The following CUL3 variants were observed in gnomAD, a reference collection of about 807,000 sequenced individuals.
CUL3 encodes cullin-3.
In CUL3, 19 loss-of-function variants were observed where a neutral mutation model predicts 89.1. The ratio of observed to expected loss-of-function variants is 0.21; its 90% CI spans 0.15 to 0.31. The LOEUF is 0.31. Ranked by LOEUF, CUL3 falls within the 10% of genes least tolerant of loss-of-function variation. The pLI is 1.00. For missense variants in CUL3, 469 were observed against 942.3 expected (o/e 0.50, Z 6.58); for synonymous variants, 351 against 308.4 (o/e 1.14, Z -1.45).
chr2:224,572,657 G>C (rs1417308499), intron 1 of CUL3, among the ~76,000 whole-genome samples: 1 of 151,360 alleles, frequency 6.6e-6, no homozygotes, highest in Non-Finnish European at 1.5e-5. Context: ...AAAAAAGGTG[G>C]GGTCTTCAGG....
intron 1 of CUL3, 27 bp from the exon 2 acceptor site, chr2:224,557,883 CAAA>C (rs748754000): frequency 1.8e-3 from 204 of 112,288 alleles, no homozygotes; most frequent in Non-Finnish European, 2.4e-3. Context: ...AGAGAAGAGA[CAAA>C]AAAAAAAAAA....
intron 13 of CUL3, among the ~76,000 whole-genome samples, chr2:224,488,186 A>T (rs757770904): frequency 3.3e-5 from 5 of 152,220 alleles, no homozygotes; most frequent in Admixed American, 6.5e-5. Flanking sequence ...CAATTAAAAG[A>T]ACTAGACAAG....
chr2:224,470,158 C>CT lies in CUL3; in HGVS notation c.*4086dup. 1 of 192,244 alleles carries CT rather than the reference C, an allele frequency of 5.2e-6. No homozygotes were observed. Among genetic ancestry groups the CT allele is most frequent in the Non-Finnish European group, 1.1e-5 (1 of 92,106 alleles). The allele number at this position is 192,244 out of a possible 1,614,324, so 11.9% of individuals were successfully genotyped here. A position where few individuals can be genotyped will look rare whatever the true frequency, so the allele number is the denominator to read the frequency against. On this transcript the variant is annotated 3_prime_UTR_variant, in exon 16 of 16. Coordinates refer to ENST00000264414, the MANE Select transcript of CUL3 (RefSeq NM_003590.5). Reference sequence around the variant, plus strand: ...CACAACTGCAGAAAGAATTCTGAGACTGAGAATTTTAATTTTCCCACATTG... The same window carrying CT: ...CACAACTGCAGAAAGAATTCTGAGACTTGAGAATTTTAATTTTCCCACATTG...
intron 4 of CUL3, 124 bp downstream of exon 4, chr2:224,514,488 G>A: frequency 1.3e-6 from 1 of 750,038 alleles, no homozygotes; most frequent in East Asian, 2.7e-5. Flanking sequence ...CTAAGTTTCT[G>A]AGGATTTTCC....
intron 1 of CUL3, among the ~76,000 whole-genome samples, chr2:224,558,119 C>T (rs1039597778): frequency 6.6e-6 from 1 of 152,120 alleles, no homozygotes; most frequent in African/African-American, 2.4e-5. Flanking sequence ...GAACTCTTCA[C>T]TTTAAATAAA....
intron 1 of CUL3, among the ~76,000 whole-genome samples, chr2:224,571,025 A>T (rs112347106): frequency 6.2e-4 from 95 of 152,342 alleles, no homozygotes; most frequent in African/African-American, 2.2e-3. Flanking sequence ...AAAGGTATGT[A>T]TAACATTTCA....
At chr2:224,549,788 CA>C (rs1694441024) in intron 2 of CUL3, among the ~76,000 whole-genome samples, 1 of 151,978 alleles carries the variant, frequency 6.6e-6, no homozygotes, top group Non-Finnish European at 1.5e-5. Context: ...CCAAAAGTAG[CA>C]AAACTAATTA....
chr2:224,585,240 T>C lies in CUL3; in HGVS notation c.-231A>G. On this transcript the variant is annotated 5_prime_UTR_variant, in exon 1 of 16. Coordinates refer to ENST00000264414, the MANE Select transcript of CUL3 (RefSeq NM_003590.5). ...CTCCGATGCGGCTGGGGGGCTGCGCTGGCGCGGCGGCTCCGCGGGGTCCCC... is the reference window on the plus strand; with the variant it reads ...CTCCGATGCGGCTGGGGGGCTGCGCCGGCGCGGCGGCTCCGCGGGGTCCCC... 2.6e-6 allele frequency: 1 copy of C among 390,946 alleles called. No homozygotes were observed. The highest frequency in any genetic ancestry group is 3.6e-5 in the East Asian group (1 of 27,648). The allele number at this position is 390,946 out of a possible 1,614,324, so 24.2% of individuals were successfully genotyped here.
intron 12 of CUL3, 72 bp from the exon 13 acceptor site, chr2:224,496,038 T>A (rs1692157689): frequency 1.3e-6 from 2 of 1,504,362 alleles, no homozygotes; most frequent in Non-Finnish European, 1.8e-6. Flanking sequence ...TGTATGTACG[T>A]ACATATGTAT....
intron 1 of CUL3, among the ~76,000 whole-genome samples, chr2:224,576,546 T>C (rs536224075): frequency 6.6e-6 from 1 of 152,298 alleles, no homozygotes; most frequent in African/African-American, 2.4e-5. Context: ...TACTATGGTT[T>C]GGCTTAGAGG....
chr2:224,540,162 T>C (rs192523326), intron 2 of CUL3, among the ~76,000 whole-genome samples: 2 of 151,972 alleles, frequency 1.3e-5, no homozygotes, highest in Admixed American at 1.3e-4. Context: ...GTTTAAGCCA[T>C]TATTCTGGCT....
intron 1 of CUL3, 127 bp downstream of exon 1, chr2:224,584,817 C>G (rs1251669146): frequency 3.9e-6 from 2 of 509,666 alleles, no homozygotes; most frequent in African/African-American, 4.2e-5. Context: ...TCGCGCCCCG[C>G]GGCCGGCGGG....
At chr2:224,568,936 CATCCCTGACACAGAAGCAACATTAACT>C (rs1335839590) in intron 1 of CUL3, among the ~76,000 whole-genome samples, 1 of 152,140 alleles carries the variant, frequency 6.6e-6, no homozygotes, top group Non-Finnish European at 1.5e-5. Flanking sequence ...TCCACTTGCC[CATCCCTGACACAGAAGCAACATTAACT>C]GCTACTGAAA....
rs764765022 is a variant in CUL3, at chr2:224,535,637, C to T, written c.269G>A (p.Arg90Gln). 4 of 1,604,978 alleles carry T rather than the reference C, an allele frequency of 2.5e-6. No individual in the cohort carries two copies. Among genetic ancestry groups the T allele is most frequent in the Non-Finnish European group, 2.6e-6 (3 of 1,171,852 alleles). ...ATTCAATGAATTTAGTACATCTTCT[C>T]GCACCTAGTAACAGAAGAGTTCATT... ...VVTEHLINKV[R>Q]EDVLNSLNNN... Residue 90 changes from arginine (R) to glutamine (Q), a missense_variant, in exon 3 of 16, where the codon CGA (arginine) becomes CAA (glutamine). Transcript: ENST00000264414.
chr2:224,520,548 G>A (rs540739620), intron 3 of CUL3, among the ~76,000 whole-genome samples: 8 of 152,272 alleles, frequency 5.3e-5, no homozygotes, highest in African/African-American at 1.9e-4. Context: ...CAACTATAAA[G>A]GCTGGATAAA....
chr2:224,581,256 G>A (rs548890547), intron 1 of CUL3, among the ~76,000 whole-genome samples: 51 of 151,988 alleles, frequency 3.4e-4, no homozygotes, highest in African/African-American at 9.2e-4. Flanking sequence ...CTAGCCAGGC[G>A]TGGTGGCACA....
intron 11 of CUL3, among the ~76,000 whole-genome samples, chr2:224,498,078 T>C (rs534256143): frequency 1.4e-4 from 22 of 152,232 alleles, no homozygotes; most frequent in African/African-American, 5.3e-4. Flanking sequence ...GGCCCCACAC[T>C]AAATAATTTC....
Position 224,530,178 on chromosome 2 carries a change from G to A in CUL3, c.378+5350C>T, listed in dbSNP as rs530624654. Among the ~76,000 whole-genome samples the A allele has an allele frequency of 2.6e-5, 4 of 152,324 alleles. No homozygotes were observed. The East Asian group carries it at 7.7e-4, about 29-fold the overall frequency. On this transcript the variant is annotated intron_variant, in intron 3 of 15. Coordinates refer to ENST00000264414, the MANE Select transcript of CUL3 (RefSeq NM_003590.5). ...GGCGTGAACCCGGAAGGCAGAGCTTGCAGTGAGCCAAGATCGCGCCACTGC... is the reference window on the plus strand; with the variant it reads ...GGCGTGAACCCGGAAGGCAGAGCTTACAGTGAGCCAAGATCGCGCCACTGC...
chr2:224,490,975 A>G (rs918806469), intron 13 of CUL3, among the ~76,000 whole-genome samples: 1 of 152,136 alleles, frequency 6.6e-6, no homozygotes, highest in African/African-American at 2.4e-5. Flanking sequence ...ATATACATGT[A>G]CTATGTACCC....
Sources: allele counts gnomAD v4.1 joint callset (sites outside exome capture counted in the v4.1 genomes callset), GRCh38; gene constraint gnomAD v4.1.1; transcripts MANE v1.5; gene names NCBI Gene and HGNC (gene_info 2026-07-23, HGNC 2026-07-21).